MCEE: variants seen among roughly 807,000 people sequenced by gnomAD.
The protein encoded by MCEE is methylmalonyl-CoA epimerase, mitochondrial.
MCEE carries 6 observed loss-of-function variants against 12.9 expected under a neutral mutation model. The observed-to-expected ratio is 0.47, with a 90% confidence interval of 0.26 to 0.92. The LOEUF (loss-of-function observed/expected upper bound fraction) is 0.92. Ranked by LOEUF, MCEE falls within the 40% of genes least tolerant of loss-of-function variation. The probability of loss-of-function intolerance (pLI) is 0.16; values close to 1 mark genes in which losing one functional copy is unlikely to be tolerated. For synonymous variants in MCEE, 78 were observed against 77.9 expected (o/e 1.00, Z -0.01); for missense variants, 214 against 212.1 (o/e 1.01, Z -0.05).
chr2:71,116,220 C>T (rs964818353), intron 2 of MCEE, among the ~76,000 whole-genome samples: 7 of 149,636 alleles, frequency 4.7e-5, no homozygotes, highest in South Asian at 4.2e-4. Context: ...AGTAGGTGCC[C>T]GCCACCACGC....
chr2:71,128,649 C>T (rs918260565), intron 1 of MCEE, among the ~76,000 whole-genome samples: 13 of 151,958 alleles, frequency 8.6e-5, no homozygotes, highest in Non-Finnish European at 1.6e-4. Flanking sequence ...CCTGCCTCAG[C>T]CTCCCGAGTA....
intron 2 of MCEE, among the ~76,000 whole-genome samples, chr2:71,112,673 T>A (rs1439343412): frequency 2.0e-5 from 3 of 152,136 alleles, no homozygotes; most frequent in Non-Finnish European, 4.4e-5. Context: ...TGAACTCAAG[T>A]GATCTGCCCG....
In MCEE at chr2:71,124,386, C is replaced by T. The variant is rs1398860942; in HGVS notation, c.198G>A (p.Lys66=). Reference sequence around the variant, plus strand: ...CACTTACCTGGGCCCCCAGAATATTCTTATAAAATGCTGCAGCCTTTTCCA... The same window carrying T: ...CACTTACCTGGGCCCCCAGAATATTTTTATAAAATGCTGCAGCCTTTTCCA... The part of the protein sequence containing the change: ...PDLEKAAAFY[K]NILGAQVSEA... The change falls in exon 2 of 3, where the codon AAG becomes AAA. Residue 66 remains lysine, a synonymous_variant. Transcript: ENST00000244217. 2 of 1,614,040 alleles carry T rather than the reference C, an allele frequency of 1.2e-6. No homozygotes were observed. Among genetic ancestry groups the T allele is most frequent in the Non-Finnish European group, 1.7e-6 (2 of 1,180,048 alleles).
At position 71,124,356 on chromosome 2, in the gene MCEE, C is replaced by A; in HGVS notation, c.228G>T (p.Ala76=). The stretch of plus-strand genomic sequence containing the variant: ...ATACTCCATGTTCAGGAAGAGGGAC[C>A]GCTTCACTTACCTGGGCCCCCAGAA... The part of the protein sequence containing the change: ...KNILGAQVSE[A]VPLPEHGVSV... Residue 76 remains alanine, a synonymous_variant, in exon 2 of 3, where the codon GCG becomes GCT. Coordinates refer to ENST00000244217, the MANE Select transcript of MCEE (RefSeq NM_032601.4). 6.2e-7 allele frequency: 1 copy of A among 1,614,146 alleles called. No individual in the cohort carries two copies. Among genetic ancestry groups the A allele is most frequent in the Non-Finnish European group, 8.5e-7 (1 of 1,180,016 alleles).
intron 2 of MCEE, among the ~76,000 whole-genome samples, chr2:71,121,283 C>T (rs1308477896): frequency 6.6e-6 from 1 of 152,190 alleles, no homozygotes; most frequent in African/African-American, 2.4e-5. Flanking sequence ...TATTCCCACT[C>T]CACCTTCCCT....
intron 2 of MCEE, 111 bp downstream of exon 2, chr2:71,124,095 A>G: frequency 1.3e-6 from 1 of 778,734 alleles, no homozygotes; most frequent in South Asian, 1.7e-5. Context: ...ATTCTCCTTA[A>G]AGAACTTTAC....
chr2:71,122,165 A>G (rs1407671479), intron 2 of MCEE, among the ~76,000 whole-genome samples: 2 of 152,162 alleles, frequency 1.3e-5, no homozygotes, highest in Non-Finnish European at 2.9e-5. Flanking sequence ...TCGCTCTTTC[A>G]TTCAGGCTAG....
At chr2:71,126,159 GT>G (rs1437781814) in intron 1 of MCEE, among the ~76,000 whole-genome samples, 1 of 152,158 alleles carries the variant, frequency 6.6e-6, no homozygotes, top group African/African-American at 2.4e-5. Context: ...CAGTGAAAAT[GT>G]TTTGAAATAG....
At chr2:71,111,977 C>A (rs1672893029) in intron 2 of MCEE, among the ~76,000 whole-genome samples, 1 of 152,202 alleles carries the variant, frequency 6.6e-6, no homozygotes, top group Non-Finnish European at 1.5e-5. Flanking sequence ...CTCTTTTACA[C>A]CAACTTGGCC....
At chr2:71,123,488 G>A (rs1251552386) in intron 2 of MCEE, among the ~76,000 whole-genome samples, 4 of 124,524 alleles carry the variant, frequency 3.2e-5, no homozygotes, top group East Asian at 2.7e-4. Flanking sequence ...GTAAGACTCC[G>A]TCTCAAAAAA....
chr2:71,119,940 C>T (rs1673065272), intron 2 of MCEE, among the ~76,000 whole-genome samples: 1 of 149,406 alleles, frequency 6.7e-6, no homozygotes, highest in South Asian at 2.1e-4. Flanking sequence ...GTAGCCGTAG[C>T]TACTCAGGAG....
intron 2 of MCEE, among the ~76,000 whole-genome samples, chr2:71,123,260 C>T (rs1030998204): frequency 5.3e-5 from 8 of 152,126 alleles, no homozygotes; most frequent in African/African-American, 7.2e-5. Context: ...GAGAGGCTGA[C>T]GTAGGTGAAT....
At position 71,115,803 on chromosome 2, in the gene MCEE, G is replaced by A. The variant is rs369893259; in HGVS notation, c.379-5681C>T. ...GACACAGGGTGGGGAGTCATATACC[G>A]GGGCCTGTTGGGGGGTGGGGGAAAG... On this transcript the variant is annotated intron_variant, in intron 2 of 2. Coordinates refer to ENST00000244217, the MANE Select transcript of MCEE (RefSeq NM_032601.4). 1.4e-4 allele frequency among the ~76,000 whole-genome samples: 21 copies of A among 145,944 alleles called. No individual in the cohort carries two copies. The East Asian group carries it at 2.8e-3, about 19-fold the overall frequency.
rs556038214 is a variant in MCEE at position 71,121,831 on chromosome 2, T to A, written c.378+2375A>T. ...ATAAAATAAAGGCTAATATTAGGAC[T>A]TGTTTAGTTCCCTGCTTAAGGTCTT... On this transcript the variant is annotated intron_variant, in intron 2 of 2. Coordinates refer to ENST00000244217, the MANE Select transcript of MCEE (RefSeq NM_032601.4). Among the ~76,000 whole-genome samples the A allele has an allele frequency of 1.6e-4, 24 of 152,310 alleles. 1 individual carries two copies. The South Asian group carries it at 1.7e-3, about 11-fold the overall frequency.
chr2:71,112,881 G>A (rs1394197948), intron 2 of MCEE, among the ~76,000 whole-genome samples: 1 of 151,926 alleles, frequency 6.6e-6, no homozygotes, highest in African/African-American at 2.4e-5. Context: ...TCCTTTTCTG[G>A]GACTCCAACT....
chr2:71,115,543 CTTTG>C (rs1672974136), intron 2 of MCEE, among the ~76,000 whole-genome samples: 3 of 150,280 alleles, frequency 2.0e-5, no homozygotes, highest in Admixed American at 2.0e-4. Flanking sequence ...ACTCCTAATG[CTTTG>C]TTTGGCAGTA....
intron 2 of MCEE, among the ~76,000 whole-genome samples, chr2:71,120,985 C>A (rs1673090544): frequency 6.6e-6 from 1 of 152,206 alleles, no homozygotes; most frequent in Non-Finnish European, 1.5e-5. Flanking sequence ...AATCTGCCCA[C>A]CTCGGCCTCC....
At chr2:71,129,940 G>T in intron 1 of MCEE, 1 of 611,742 alleles carries the variant, frequency 1.6e-6, no homozygotes. Flanking sequence ...AAGGTGCAGA[G>T]CCCAAGGCGC....
chr2:71,129,111 T>TCTTCA (rs771532392), intron 1 of MCEE, among the ~76,000 whole-genome samples: 8 of 152,296 alleles, frequency 5.3e-5, no homozygotes, highest in Non-Finnish European at 1.0e-4. Context: ...GAATACACTG[T>TCTTCA]CTTCATTTTT....
Sources: allele counts gnomAD v4.1 joint callset (sites outside exome capture counted in the v4.1 genomes callset), GRCh38; gene constraint gnomAD v4.1.1; transcripts MANE v1.5; gene names NCBI Gene and HGNC (gene_info 2026-07-23, HGNC 2026-07-21).